NRXN1: variants seen among roughly 807,000 people sequenced by gnomAD.
NRXN1 encodes neurexin-1.
Under a neutral mutation model 150.9 loss-of-function variants are expected in NRXN1, and 39 were observed. The observed-to-expected ratio is 0.26, with a 90% CI of 0.20 to 0.34. The LOEUF (loss-of-function observed/expected upper bound fraction) is 0.34, where lower values mean the gene tolerates loss of function less well. Among genes scored for constraint, NRXN1 ranks in the 10% least tolerant of loss-of-function variants. The pLI, the probability that NRXN1 is intolerant of heterozygous loss-of-function variation, is 1.00. For synonymous variants in NRXN1, 924 were observed against 757.0 expected, an observed-to-expected ratio of 1.22 and a Z score of -3.62; for missense variants, 1,815 against 1,949.9, an observed-to-expected ratio of 0.93 and a Z score of 1.30.
chr2:50,697,698 A>G (rs1361912396), intron 5 of NRXN1, among the ~76,000 whole-genome samples: 2 of 152,138 alleles, frequency 1.3e-5, no homozygotes, highest in East Asian at 3.9e-4. Context: ...TTTTCTTCAA[A>G]TCCTCAAATA....
intron 18 of NRXN1, among the ~76,000 whole-genome samples, chr2:50,097,027 G>A (rs1006870345): frequency 6.6e-6 from 1 of 152,136 alleles, no homozygotes; most frequent in Non-Finnish European, 1.5e-5. Flanking sequence ...CAGAATACAC[G>A]TAAGTAAAGA....
chr2:50,509,771 T>C (rs2092379621), intron 12 of NRXN1, among the ~76,000 whole-genome samples: 1 of 152,326 alleles, frequency 6.6e-6, no homozygotes, highest in African/African-American at 2.4e-5. Flanking sequence ...GCATCAGTTG[T>C]GCCAACGTCT....
chr2:50,623,018 A>C (rs927155980), intron 6 of NRXN1, among the ~76,000 whole-genome samples: 2 of 152,126 alleles, frequency 1.3e-5, no homozygotes, highest in Non-Finnish European at 2.9e-5. Flanking sequence ...AAACAAAAAA[A>C]CCAAAAACAC....
At chr2:50,371,791 T>C (rs2080050392) in intron 17 of NRXN1, among the ~76,000 whole-genome samples, 1 of 151,784 alleles carries the variant, frequency 6.6e-6, no homozygotes, top group Non-Finnish European at 1.5e-5. Flanking sequence ...TTTATATTTA[T>C]AAAATATAGT....
Position 50,738,020 on chromosome 2 carries a change from A to T in NRXN1, c.833-114405T>A, listed in dbSNP as rs1308409169. On this transcript the variant is annotated intron_variant, in intron 5 of 22. Coordinates refer to ENST00000401669, the MANE Select transcript of NRXN1 (RefSeq NM_001330078.2). Reference sequence around the variant, plus strand: ...AAGCAAATGTTCTCCAAATATGCAAATCCAAAAAGGAAGGACAAGGCTGGG... The same window carrying T: ...AAGCAAATGTTCTCCAAATATGCAATTCCAAAAAGGAAGGACAAGGCTGGG... Among the ~76,000 whole-genome samples, 4 of 152,220 alleles carry T rather than the reference A, an allele frequency of 2.6e-5. No individual in the cohort carries two copies. The South Asian group carries it at 6.2e-4, about 24-fold the overall frequency.
intron 18 of NRXN1, among the ~76,000 whole-genome samples, chr2:50,147,496 AAG>A (rs373955950): frequency 1.1e-3 from 172 of 151,870 alleles, no homozygotes; most frequent in African/African-American, 3.9e-3. Context: ...CCTAGAGTTA[AAG>A]AGAGCTAGAA....
At chr2:50,248,942 T>C (rs1437883490) in intron 17 of NRXN1, among the ~76,000 whole-genome samples, 5 of 151,438 alleles carry the variant, frequency 3.3e-5, no homozygotes, top group African/African-American at 9.7e-5. Context: ...AGGCCAGGAG[T>C]TTGAGACTAG....
At chr2:50,135,409 C>T (rs1706234944) in intron 18 of NRXN1, among the ~76,000 whole-genome samples, 1 of 152,170 alleles carries the variant, frequency 6.6e-6, no homozygotes, top group African/African-American at 2.4e-5. Context: ...GTAAAAGAAG[C>T]TGCCCAATCG....
chr2:50,063,587 C>T (rs1287103572), intron 19 of NRXN1, among the ~76,000 whole-genome samples: 1 of 150,652 alleles, frequency 6.6e-6, no homozygotes, highest in East Asian at 1.9e-4. Context: ...CACACACACA[C>T]ATCTAAGGCT....
chr2:50,716,362 T>C (rs2105083850), intron 5 of NRXN1, among the ~76,000 whole-genome samples: 1 of 152,128 alleles, frequency 6.6e-6, no homozygotes, highest in East Asian at 1.9e-4. Flanking sequence ...CAATCTACAG[T>C]AACTTTGGGA....
At chr2:50,108,830 T>C (rs1286592683) in intron 18 of NRXN1, among the ~76,000 whole-genome samples, 9 of 152,032 alleles carry the variant, frequency 5.9e-5, no homozygotes. Context: ...CAATGCAATA[T>C]GACAGGAAAT....
Position 49,936,834 on chromosome 2 carries a change from A to G in NRXN1, c.4216+6870T>C, listed in dbSNP as rs143514086. Among the ~76,000 whole-genome samples the G allele has an allele frequency of 2.3e-3, 355 of 152,092 alleles. 3 individuals carry two copies. Among genetic ancestry groups the G allele is most frequent in the Non-Finnish European group, 4.0e-3 (275 of 67,980 alleles). ...AACATATGTACACACACACACACACACACACACATATGAAATACCTTTTGC... is the reference window on the plus strand; with the variant it reads ...AACATATGTACACACACACACACACGCACACACATATGAAATACCTTTTGC... On this transcript the variant is annotated intron_variant, in intron 22 of 22. Transcript: ENST00000401669.
At chr2:50,882,199 T>A (rs545950956) in intron 5 of NRXN1, among the ~76,000 whole-genome samples, 4 of 152,008 alleles carry the variant, frequency 2.6e-5, no homozygotes, top group Middle Eastern at 3.4e-3. Flanking sequence ...AACATTTAAG[T>A]AGATTTTCAG....
At chr2:50,630,472 T>G (rs2104391484) in intron 5 of NRXN1, among the ~76,000 whole-genome samples, 1 of 151,874 alleles carries the variant, frequency 6.6e-6, no homozygotes, top group African/African-American at 2.4e-5. Context: ...CCAATGCCTC[T>G]GTATCTTCTA....
chr2:50,490,497 C>T (rs1026199592), intron 15 of NRXN1, among the ~76,000 whole-genome samples: 1 of 152,132 alleles, frequency 6.6e-6, no homozygotes. Context: ...GAAGTTATAG[C>T]CTAGACCCAG....
chr2:50,464,791 G>C (rs1479472707), intron 17 of NRXN1, among the ~76,000 whole-genome samples: 1 of 151,868 alleles, frequency 6.6e-6, no homozygotes, highest in Non-Finnish European at 1.5e-5. Flanking sequence ...TCATCTTATA[G>C]ATCAGTTAAT....
chr2:50,976,708 AT>A (rs1037254891), intron 2 of NRXN1, among the ~76,000 whole-genome samples: 1 of 151,912 alleles, frequency 6.6e-6, no homozygotes, highest in African/African-American at 2.4e-5. Flanking sequence ...TAAGATGAAA[AT>A]TGAGCATACC....
At chr2:50,159,199 G>T (rs1400174117) in intron 18 of NRXN1, among the ~76,000 whole-genome samples, 1 of 152,124 alleles carries the variant, frequency 6.6e-6, no homozygotes, top group East Asian at 1.9e-4. Flanking sequence ...GCTCCTTGAT[G>T]TGTTTACAGA....
At chr2:50,497,006 T>G (rs2091672769) in intron 14 of NRXN1, among the ~76,000 whole-genome samples, 1 of 152,192 alleles carries the variant, frequency 6.6e-6, no homozygotes, top group South Asian at 2.1e-4. Flanking sequence ...CCTACAAACC[T>G]GTATCAATGC....
Sources: gnomAD v4.1 joint callset for allele counts (sites outside exome capture counted in the v4.1 genomes callset) on GRCh38, gnomAD v4.1.1 for gene constraint, MANE v1.5 for transcripts, NCBI Gene and HGNC (gene_info 2026-07-23, HGNC 2026-07-21) for gene names.